ANKRD31: variants seen among roughly 807,000 people sequenced by gnomAD.
ANKRD31 encodes the protein ankyrin repeat domain 31, also known as ankyrin repeat domain-containing protein 31.
Under a neutral mutation model 186.0 loss-of-function variants are expected in ANKRD31, and 147 were observed. The ratio of observed to expected loss-of-function variants is 0.79; its 90% CI spans 0.69 to 0.91. The LOEUF (loss-of-function observed/expected upper bound fraction) is 0.91. Among genes scored for constraint, ANKRD31 ranks in the 40% least tolerant of loss-of-function variants. The pLI, the probability that ANKRD31 is intolerant of heterozygous loss-of-function variation, is 0.00. For synonymous variants in ANKRD31, 673 were observed against 736.4 expected (o/e 0.91, Z 1.39); for missense variants, 1,986 against 2,148.8 (o/e 0.92, Z 1.50).
In ANKRD31 at chr5:75,098,053, C is replaced by T. The variant is rs1580319056; in HGVS notation, c.5331+6175G>A. The stretch of plus-strand genomic sequence containing the variant: ...TTTTTTTTTTCTTTTGAGACGCAGT[C>T]TCACTGTGTCGCCCAGGCTGGAGTG... On this transcript the variant is annotated intron_variant, in intron 22 of 25. Coordinates refer to ENST00000506364, the MANE Select transcript of ANKRD31 (RefSeq NM_001372053.1). Among the ~76,000 whole-genome samples, 3 of 151,804 alleles carry T rather than the reference C, an allele frequency of 2.0e-5. No homozygotes were observed. The East Asian group carries it at 5.8e-4, about 29-fold the overall frequency.
At chr5:75,148,340 G>A (rs1374565006) in intron 13 of ANKRD31, among the ~76,000 whole-genome samples, 3 of 151,878 alleles carry the variant, frequency 2.0e-5, no homozygotes, top group African/African-American at 7.2e-5. Context: ...TAAACCTTAA[G>A]CTCCATAAAG....
intron 23 of ANKRD31, among the ~76,000 whole-genome samples, chr5:75,085,446 ACTGCAAC>A (rs1745411809): frequency 6.6e-6 from 1 of 151,668 alleles, no homozygotes; most frequent in Non-Finnish European, 1.5e-5. Context: ...ATCTTGGCTC[ACTGCAAC>A]CTCCACCTCC....
chr5:75,138,797 T>C, intron 16 of ANKRD31, 49 bp downstream of exon 16: 1 of 1,518,554 alleles, frequency 6.6e-7, no homozygotes, highest in Non-Finnish European at 8.8e-7. Context: ...GAAATGTGTA[T>C]TTCAGTGAGT....
chr5:75,124,588 C>T (rs572507615), intron 17 of ANKRD31, among the ~76,000 whole-genome samples: 58 of 152,242 alleles, frequency 3.8e-4, no homozygotes, highest in African/African-American at 1.2e-3. Context: ...CACACACACA[C>T]GCACACACGT....
At chr5:75,163,121 A>C (rs1752681225) in intron 11 of ANKRD31, among the ~76,000 whole-genome samples, 1 of 152,238 alleles carries the variant, frequency 6.6e-6, no homozygotes, top group Non-Finnish European at 1.5e-5. Flanking sequence ...TTTTTGTTAG[A>C]GTATATTCCA....
chr5:75,153,822 T>C (rs181839332), intron 12 of ANKRD31, among the ~76,000 whole-genome samples: 58 of 152,222 alleles, frequency 3.8e-4, no homozygotes, highest in Non-Finnish European at 6.9e-4. Flanking sequence ...GGAAAAAGTA[T>C]AGCCATAAGA....
At chr5:75,129,935 T>C (rs893435923) in intron 17 of ANKRD31, among the ~76,000 whole-genome samples, 1 of 152,188 alleles carries the variant, frequency 6.6e-6, no homozygotes, top group African/African-American at 2.4e-5. Flanking sequence ...CCTACCCTAA[T>C]ACTGAGCTTT....
chr5:75,140,094 C>T (rs1046675504), intron 15 of ANKRD31, among the ~76,000 whole-genome samples: 3 of 151,904 alleles, frequency 2.0e-5, no homozygotes, highest in African/African-American at 4.8e-5. Context: ...ATCACAGCTA[C>T]TCTGGAGACT....
At chr5:75,070,708 C>T (rs4703646) in intron 25 of ANKRD31, among the ~76,000 whole-genome samples, 76,810 of 152,060 alleles carry the variant, frequency 0.51, 22,350 homozygotes, top group African/African-American at 0.81. Context: ...ACTATTTTCA[C>T]GGGCATCTTC....
At chr5:75,222,603 C>T (rs972085849) in intron 2 of ANKRD31, among the ~76,000 whole-genome samples, 1 of 152,016 alleles carries the variant, frequency 6.6e-6, no homozygotes, top group Admixed American at 6.6e-5. Flanking sequence ...TCTCCCCTCA[C>T]CCCCCAACCC....
chr5:75,073,662 T>C (rs1744411825), intron 25 of ANKRD31, among the ~76,000 whole-genome samples: 1 of 152,228 alleles, frequency 6.6e-6, no homozygotes. Context: ...TCCTTTTGCC[T>C]TACCATTCCC....
chr5:75,120,765 C>A (rs1580364516), intron 17 of ANKRD31, among the ~76,000 whole-genome samples: 1 of 152,144 alleles, frequency 6.6e-6, no homozygotes, highest in East Asian at 1.9e-4. Context: ...CCTCACGTAT[C>A]AATATTAACC....
At chr5:75,100,656 T>C (rs972593504) in intron 22 of ANKRD31, among the ~76,000 whole-genome samples, 7 of 152,200 alleles carry the variant, frequency 4.6e-5, no homozygotes, top group Admixed American at 3.9e-4. Flanking sequence ...CTTGTTGAAT[T>C]GATCCCTTTA....
rs1447534504 is a variant in ANKRD31, at chr5:75,084,265, T to C, written c.5575+7A>G. ...CAACGAAGAAATGAGTGTTGTTCTGTACATACCTGGAAGACAAGGTTGATA... is the reference window on the plus strand; with the variant it reads ...CAACGAAGAAATGAGTGTTGTTCTGCACATACCTGGAAGACAAGGTTGATA... On this transcript the variant is annotated splice_region_variant and intron_variant, in intron 24 of 25. Transcript: ENST00000506364. 3.3e-6 allele frequency: 5 copies of C among 1,528,846 alleles called. No homozygotes were observed. The highest frequency in any genetic ancestry group is 4.4e-6 in the Non-Finnish European group (5 of 1,139,382). The allele number at this position is 1,528,846 out of a possible 1,614,324, so 94.7% of individuals were successfully genotyped here.
At chr5:75,124,285 A>T (rs1240167476) in intron 17 of ANKRD31, among the ~76,000 whole-genome samples, 1 of 152,156 alleles carries the variant, frequency 6.6e-6, no homozygotes, top group Non-Finnish European at 1.5e-5. Flanking sequence ...AAAACAACAG[A>T]TGTTGATGAG....
At chr5:75,100,248 A>C (rs1313559463) in intron 22 of ANKRD31, among the ~76,000 whole-genome samples, 2 of 152,172 alleles carry the variant, frequency 1.3e-5, no homozygotes, top group African/African-American at 4.8e-5. Flanking sequence ...TGAGTTTCTT[A>C]ATCCTGAGTT....
intron 6 of ANKRD31, among the ~76,000 whole-genome samples, chr5:75,197,175 T>C (rs1440872223): frequency 1.3e-5 from 2 of 152,204 alleles, no homozygotes; most frequent in African/African-American, 4.8e-5. Context: ...GTACAGGGAT[T>C]ACACGCATGA....
intron 11 of ANKRD31, among the ~76,000 whole-genome samples, chr5:75,168,092 CA>C (rs1030681618): frequency 1.3e-5 from 2 of 151,798 alleles, no homozygotes; most frequent in African/African-American, 4.9e-5. Flanking sequence ...AACAAGCAAA[CA>C]AACAATGAAA....
In ANKRD31 at chr5:75,147,093, T is replaced by G. The variant is rs550567797; in HGVS notation, c.2318A>C (p.His773Pro). ...ACACAATTCTTCTGGAAGGTCATTA[T>G]GAGTTTCTGGAATATGCTGCTGATA... ...VTYQQHIPETHNDLPEELCEP... is the reference protein window; with the variant it reads ...VTYQQHIPETPNDLPEELCEP... The change falls in exon 14 of 26, where the codon CAT (histidine) becomes CCT (proline). Residue 773 changes from histidine (H) to proline (P), a missense_variant. Physicochemically the swap from His to Pro is moderately conservative, Grantham distance 77. Coordinates refer to ENST00000506364, the MANE Select transcript of ANKRD31 (RefSeq NM_001372053.1). The G allele has an allele frequency of 3.1e-5, 48 of 1,536,288 alleles. No individual in the cohort carries two copies. The East Asian group carries it at 8.8e-4, about 28-fold the overall frequency.
Sources: gnomAD v4.1 joint callset for allele counts (sites outside exome capture counted in the v4.1 genomes callset) on GRCh38, gnomAD v4.1.1 for gene constraint, MANE v1.5 for transcripts, NCBI Gene and HGNC (gene_info 2026-07-23, HGNC 2026-07-21) for gene names.